Variants in AGTR1 observed in about 807,000 individuals in gnomAD.
AGTR1 encodes the protein angiotensin II receptor type 1.
Under a neutral mutation model 19.4 loss-of-function variants are expected in AGTR1, and 16 were observed. That is an observed-to-expected ratio of 0.82 (90% CI 0.56 to 1.25). The LOEUF is 1.25. Among genes scored for constraint, AGTR1 ranks in the 50% most tolerant of loss-of-function variants. The pLI is 0.00. For synonymous variants in AGTR1, 153 were observed against 154.9 expected, an observed-to-expected ratio of 0.99 and a Z score of 0.09; for missense variants, 373 against 431.9, an observed-to-expected ratio of 0.86 and a Z score of 1.21.
Position 148,698,054 on chromosome 3 carries a change from C to G in AGTR1, c.-205C>G, listed in dbSNP as rs1182739701. 6.6e-6 allele frequency: 1 copy of G among 152,094 alleles called. No individual in the cohort carries two copies. Among genetic ancestry groups the G allele is most frequent in the Non-Finnish European group, 1.5e-5 (1 of 68,018 alleles). 9.4% of individuals were successfully genotyped at this position (152,094 alleles called of 1,614,324 possible). ...GAGTGAGGGCGCACAGCCGGGACGC[C>G]GAGGCGGCGGGCGGGAGACCCGCAC... On this transcript the variant is annotated 5_prime_UTR_variant, in exon 1 of 3. Transcript: ENST00000349243.
chr3:148,724,473 C>A (rs1332338050), intron 2 of AGTR1, among the ~76,000 whole-genome samples: 1 of 152,182 alleles, frequency 6.6e-6, no homozygotes, highest in East Asian at 1.9e-4. Flanking sequence ...TTAAAATAGA[C>A]TTTACTTGGA....
intron 2 of AGTR1, among the ~76,000 whole-genome samples, chr3:148,717,189 G>C (rs770266525): frequency 6.6e-6 from 1 of 151,980 alleles, no homozygotes; most frequent in South Asian, 2.1e-4. Flanking sequence ...TATAAAGGAA[G>C]ACAAAAAAGA....
intron 2 of AGTR1, among the ~76,000 whole-genome samples, chr3:148,725,274 A>G (rs1454983010): frequency 3.3e-5 from 5 of 152,214 alleles, no homozygotes; most frequent in African/African-American, 1.2e-4. Flanking sequence ...CCTCCAACAT[A>G]AAGTTAACTT....
At chr3:148,737,636 C>T (rs745752351) in intron 2 of AGTR1, among the ~76,000 whole-genome samples, 39 of 152,240 alleles carry the variant, frequency 2.6e-4, no homozygotes, top group Non-Finnish European at 5.0e-4. Context: ...TTGGTGAATA[C>T]CCACTGAATG....
chr3:148,706,661 T>C lies in AGTR1; in HGVS notation c.-131-1283T>C, dbSNP rs564084004. On this transcript the variant is annotated intron_variant, in intron 1 of 2. Transcript: ENST00000349243. ...ATGAGCTCTTTAATGTGAGAAACAA[T>C]AAACAACCTAATTGAAACATGAGCA... is the stretch of plus-strand genomic sequence containing the variant. 2.0e-5 allele frequency among the ~76,000 whole-genome samples: 3 copies of C among 151,988 alleles called. No individual in the cohort carries two copies. In the South Asian group the frequency reaches 6.2e-4, roughly 31 times the overall value.
chr3:148,710,360 G>T (rs1712913150), intron 2 of AGTR1, among the ~76,000 whole-genome samples: 1 of 152,030 alleles, frequency 6.6e-6, no homozygotes. Context: ...TTCTAAAGTT[G>T]CAGTTCTTGA....
intron 2 of AGTR1, among the ~76,000 whole-genome samples, chr3:148,715,939 T>C (rs1198509248): frequency 1.3e-5 from 2 of 152,194 alleles, no homozygotes; most frequent in Admixed American, 6.5e-5. Context: ...GTGACTTGGA[T>C]AACTTTCAAA....
At chr3:148,711,138 C>T (rs940545996) in intron 2 of AGTR1, among the ~76,000 whole-genome samples, 5 of 152,092 alleles carry the variant, frequency 3.3e-5, no homozygotes, top group African/African-American at 1.2e-4. Context: ...AGTAGTTTTT[C>T]ATTTTTCATC....
chr3:148,727,314 A>G (rs577029911), intron 2 of AGTR1, among the ~76,000 whole-genome samples: 6 of 152,326 alleles, frequency 3.9e-5, no homozygotes, highest in Admixed American at 2.6e-4. Context: ...GTACTGTTCC[A>G]CAAAGAAGAA....
At chr3:148,717,224 TATTA>T (rs1366453186) in intron 2 of AGTR1, among the ~76,000 whole-genome samples, 1 of 152,164 alleles carries the variant, frequency 6.6e-6, no homozygotes, top group Non-Finnish European at 1.5e-5. Context: ...AGTGAACATC[TATTA>T]ATTGGACACT....
At chr3:148,715,557 GA>G (rs1170041717) in intron 2 of AGTR1, among the ~76,000 whole-genome samples, 5 of 151,968 alleles carry the variant, frequency 3.3e-5, no homozygotes, top group Non-Finnish European at 2.9e-5. Flanking sequence ...AGTAGAATGA[GA>G]AAAAAATGCA....
rs1714861779 is a variant in AGTR1 at position 148,741,280 on chromosome 3, C to T, written c.245C>T (p.Pro82Leu). 1 of 1,613,200 alleles carries T rather than the reference C, an allele frequency of 6.2e-7. No homozygotes were observed. The highest frequency in any genetic ancestry group is 8.5e-7 in the Non-Finnish European group (1 of 1,180,024). ...GACTTATGCTTTTTACTGACTTTGC[C>T]ACTATGGGCTGTCTACACAGCTATG... is the stretch of plus-strand genomic sequence containing the variant. The part of the protein sequence containing the change: ...LADLCFLLTL[P>L]LWAVYTAMEY... Residue 82 changes from proline to leucine, a missense_variant, in exon 3 of 3, where the codon CCA becomes CTA. Physicochemically the swap from Pro to Leu is moderately conservative, Grantham distance 98. Transcript: ENST00000349243.
rs1014016956 is a variant in AGTR1, at chr3:148,716,763, TG to T, written c.-48+8738del. Among the ~76,000 whole-genome samples, 1 of 152,190 alleles carries T rather than the reference TG, an allele frequency of 6.6e-6. No individual in the cohort carries two copies. Among genetic ancestry groups the T allele is most frequent in the Non-Finnish European group, 1.5e-5 (1 of 68,028 alleles). The stretch of plus-strand genomic sequence containing the variant: ...CAAAGTTGCATTTTAAGCAAGATTA[TG>T]GTTTTTTCTTTGAGTTCTCTGAATT... On this transcript the variant is annotated intron_variant, in intron 2 of 2. Transcript: ENST00000349243. This position sits in a 1 kb window ranked among gnomAD's most constrained non-coding sequence, Gnocchi z 4.7.
chr3:148,722,640 C>A (rs1490497938), intron 2 of AGTR1, among the ~76,000 whole-genome samples: 2 of 152,088 alleles, frequency 1.3e-5, no homozygotes, highest in Non-Finnish European at 2.9e-5. Context: ...CACTGATACT[C>A]CACTCTAGAC....
At chr3:148,718,091 C>T (rs1455116546) in intron 2 of AGTR1, among the ~76,000 whole-genome samples, 1 of 152,128 alleles carries the variant, frequency 6.6e-6, no homozygotes, top group African/African-American at 2.4e-5. Context: ...CACTAGACGT[C>T]CTTATGCTTT....
chr3:148,717,075 G>C (rs1713346092), intron 2 of AGTR1, among the ~76,000 whole-genome samples: 1 of 152,142 alleles, frequency 6.6e-6, no homozygotes, highest in Non-Finnish European at 1.5e-5. Context: ...TGTTGGGGGA[G>C]CAACTGGTGC....
At chr3:148,720,304 C>G (rs1257272513) in intron 2 of AGTR1, among the ~76,000 whole-genome samples, 1 of 151,602 alleles carries the variant, frequency 6.6e-6, no homozygotes, top group Non-Finnish European at 1.5e-5. Context: ...GCATAAGTGT[C>G]AACAGATCAG....
intron 2 of AGTR1, among the ~76,000 whole-genome samples, chr3:148,726,687 C>T (rs980132616): frequency 6.6e-6 from 1 of 151,808 alleles, no homozygotes; most frequent in African/African-American, 2.4e-5. Flanking sequence ...TTCATTTACC[C>T]CCAATTATGC....
Position 148,741,995 on chromosome 3 carries a change from T to TC in AGTR1, c.965dup (p.Ala324SerfsTer21), listed in dbSNP as rs764016784. The TC allele has an allele frequency of 2.5e-6, 4 of 1,613,604 alleles. No individual in the cohort carries two copies. In the South Asian group the frequency reaches 3.3e-5, roughly 13 times the overall value. On this transcript the variant is annotated frameshift_variant, in exon 3 of 3. Transcript: ENST00000349243. LOFTEE classifies it high-confidence loss of function. ...ATTTTCTCCAGCTTCTAAAATATAT[T>TC]CCCCCAAAAGCCAAATCCCACTCAA...
Sources: gnomAD v4.1 joint callset for allele counts (sites outside exome capture counted in the v4.1 genomes callset) on GRCh38, gnomAD v4.1.1 for gene constraint, Gnocchi (gnomAD v3.1) non-coding constraint, MANE v1.5 for transcripts, NCBI Gene and HGNC (gene_info 2026-07-23, HGNC 2026-07-21) for gene names.